FRS3: variants seen among roughly 807,000 people sequenced by gnomAD.
The protein encoded by FRS3 is fibroblast growth factor receptor substrate 3.
A neutral mutation model predicts 41.9 loss-of-function variants in FRS3; 17 were observed. The ratio of observed to expected loss-of-function variants is 0.41; its 90% CI spans 0.28 to 0.61. The LOEUF is 0.61. FRS3 is among the 20% of genes least tolerant of loss of function. FRS3 has a pLI of 0.36. For synonymous variants in FRS3, 287 were observed against 274.5 expected (o/e 1.05, Z -0.45); for missense variants, 619 against 672.1 (o/e 0.92, Z 0.87).
Position 41,771,967 on chromosome 6 carries a change from G to A in FRS3, c.416-3C>T, listed in dbSNP as rs776747827. 24 of 1,538,208 alleles carry A rather than the reference G, an allele frequency of 1.6e-5. No individual in the cohort carries two copies. Among genetic ancestry groups the A allele is most frequent in the African/African-American group, 4.1e-5 (3 of 72,998 alleles). On this transcript the variant is annotated splice_polypyrimidine_tract_variant and splice_region_variant and intron_variant, in intron 5 of 6. Transcript: ENST00000373018. ...GCTGGAGACAGTGTAGCCTAGAGCTGAGCACACGGGAGACAAGCCCAGGAG... is the reference window on the plus strand; with the variant it reads ...GCTGGAGACAGTGTAGCCTAGAGCTAAGCACACGGGAGACAAGCCCAGGAG...
At chr6:41,775,339 T>C in intron 4 of FRS3, 80 bp downstream of exon 4, 1 of 1,160,034 alleles carries the variant, frequency 8.6e-7, no homozygotes, top group Non-Finnish European at 1.2e-6. Context: ...ACTAACCTCT[T>C]GAGGGCTAAC....
chr6:41,779,477 G>GC (rs1331666997), intron 1 of FRS3, among the ~76,000 whole-genome samples: 2 of 152,022 alleles, frequency 1.3e-5, no homozygotes, highest in Non-Finnish European at 2.9e-5. Context: ...GGGTCCGTGG[G>GC]CATAGCAGGA....
At chr6:41,771,555 G>T in intron 6 of FRS3, 22 bp from the exon 7 acceptor site, 2 of 1,502,450 alleles carry the variant, frequency 1.3e-6, no homozygotes, top group East Asian at 2.3e-5. Context: ...GTCCAAGTGA[G>T]GCAGGAGTGT....
rs1772498999 is a variant in FRS3 at position 41,779,876 on chromosome 6, G to GCCCGCCCGGAGCTAAGGCCTCCCCGC, written c.-229_-228insGCGGGGAGGCCTTAGCTCCGGGCGGG. On this transcript the variant is annotated 5_prime_UTR_variant, in exon 1 of 7. Transcript: ENST00000373018. ...CCCGGGTCCCGCTGCAGCAGCCGCC[G>GCCCGCCCGGAGCTAAGGCCTCCCCGC]CCCGCCCGGAGCTAAGGCCTCCCCG... is the stretch of plus-strand genomic sequence containing the variant. 12 of 149,274 alleles carry GCCCGCCCGGAGCTAAGGCCTCCCCGC rather than the reference G, an allele frequency of 8.0e-5. No homozygotes were observed. The highest frequency in any genetic ancestry group is 2.7e-4 in the Admixed American group (4 of 14,994). The allele number at this position is 149,274 out of a possible 1,614,324, so 9.2% of individuals were successfully genotyped here.
intron 1 of FRS3, 76 bp downstream of exon 1, chr6:41,779,740 T>TGCGGCGCGGCGCGGCGCGGC (rs374159587): frequency 1.4e-5 from 2 of 143,720 alleles, no homozygotes; most frequent in Non-Finnish European, 3.1e-5. Flanking sequence ...GAGTGGAGAC[T>TGCGGCGCGGCGCGGCGCGGC]GCGGCGCGGC....
At position 41,775,366 on chromosome 6, in the gene FRS3, CT is replaced by C. The variant is rs575982443; in HGVS notation, c.253+52del. On this transcript the variant is annotated intron_variant, in intron 4 of 6. Coordinates refer to ENST00000373018, the MANE Select transcript of FRS3 (RefSeq NM_006653.5). ...AGGGCTAACCTATACATTAGGAACC[CT>C]GGAGTACTGCATAAGCCCCTATCCC... 1.0e-4 allele frequency: 146 copies of C among 1,451,108 alleles called. No homozygotes were observed. The African/African-American group carries it at 1.9e-3, about 19-fold the overall frequency. The allele number at this position is 1,451,108 out of a possible 1,614,324, so 89.9% of individuals were successfully genotyped here.
Position 41,771,972 on chromosome 6 carries a change from C to A in FRS3, c.416-8G>T, listed in dbSNP as rs989280959. 6.5e-7 allele frequency: 1 copy of A among 1,534,020 alleles called. No homozygotes were observed. The highest frequency in any genetic ancestry group is 8.8e-7 in the Non-Finnish European group (1 of 1,135,546). ...AGACAGTGTAGCCTAGAGCTGAGCA[C>A]ACGGGAGACAAGCCCAGGAGAGGGG... On this transcript the variant is annotated splice_polypyrimidine_tract_variant and splice_region_variant and intron_variant, in intron 5 of 6. Coordinates refer to ENST00000373018, the MANE Select transcript of FRS3 (RefSeq NM_006653.5).
chr6:41,775,269 T>A (rs955174811), intron 4 of FRS3, 150 bp downstream of exon 4: 5 of 615,270 alleles, frequency 8.1e-6, no homozygotes, highest in Admixed American at 3.4e-5. Context: ...CTACCACCCC[T>A]GACCTCTGAC....
At position 41,772,858 on chromosome 6, in the gene FRS3, T is replaced by C. The variant is rs139157201; in HGVS notation, c.355A>G (p.Ile119Val). 4.2e-4 allele frequency: 684 copies of C among 1,613,556 alleles called. 2 individuals carry two copies. The African/African-American group carries it at 8.0e-3, about 19-fold the overall frequency. ...SINVMEEPVI[I>V]TRNSHPAELD... ...TCAGCGGGGTGGCTATTGCGGGTGA[T>C]GATGACAGGCTCTTCCATCACATTG... is the stretch of plus-strand genomic sequence containing the variant. Residue 119 changes from isoleucine (I) to valine (V), a missense_variant, in exon 5 of 7, where the codon ATC becomes GTC. By Grantham distance (29) the Ile-to-Val change is conservative (BLOSUM62 3). Around this residue, in one of 3 missense-constraint regions of FRS3, gnomAD observed 487 missense variants for 478.3 expected, o/e 1.02. Transcript: ENST00000373018.
intron 1 of FRS3, among the ~76,000 whole-genome samples, chr6:41,779,531 G>A (rs1236657686): frequency 3.9e-5 from 6 of 152,030 alleles, no homozygotes. Context: ...TCCAGGAGAT[G>A]CGATGATGTG....
intron 4 of FRS3, among the ~76,000 whole-genome samples, chr6:41,773,351 G>C (rs947028243): frequency 2.6e-5 from 4 of 151,966 alleles, no homozygotes; most frequent in African/African-American, 7.2e-5. Context: ...TAATCGGCCT[G>C]CTGCGGCCTC....
intron 4 of FRS3, among the ~76,000 whole-genome samples, chr6:41,774,657 G>A (rs1233873825): frequency 6.6e-6 from 1 of 152,154 alleles, no homozygotes; most frequent in Non-Finnish European, 1.5e-5. Flanking sequence ...TGGGGTACTG[G>A]GCCAGCATGG....
intron 3 of FRS3, chr6:41,776,705 C>T (rs902508892): frequency 2.0e-6 from 1 of 498,588 alleles, no homozygotes; most frequent in Admixed American, 3.5e-5. Flanking sequence ...GGCATTTCTT[C>T]ATTCTTGGTA....
chr6:41,772,970 A>G lies in FRS3; in HGVS notation c.254-11T>C. ...TAAATGCAAATATTCCTGGAGAAGG[A>G]GAGGAAGAAATGACCCTAGGCAATA... On this transcript the variant is annotated splice_polypyrimidine_tract_variant and intron_variant, in intron 4 of 6. Transcript: ENST00000373018. The G allele has an allele frequency of 1.2e-6, 2 of 1,613,362 alleles. No homozygotes were observed. The highest frequency in any genetic ancestry group is 1.7e-6 in the Non-Finnish European group (2 of 1,179,464).
chr6:41,776,454 G>C (rs977660360), intron 3 of FRS3: 1 of 153,838 alleles, frequency 6.5e-6, no homozygotes, highest in African/African-American at 2.4e-5. Context: ...TAGAGACGGG[G>C]TTTCGCCATG....
intron 4 of FRS3, among the ~76,000 whole-genome samples, 184 bp from the exon 5 acceptor site, chr6:41,773,143 C>T (rs1187924068): frequency 6.6e-6 from 1 of 152,118 alleles, no homozygotes. Context: ...GCTCTTGTTG[C>T]CCAGGCTGGA....
At chr6:41,779,099 C>T (rs1772470533) in intron 1 of FRS3, among the ~76,000 whole-genome samples, 1 of 152,142 alleles carries the variant, frequency 6.6e-6, no homozygotes, top group Non-Finnish European at 1.5e-5. Context: ...AATACTGGGG[C>T]TTGAGCCACC....
rs779531254 is a variant in FRS3 at position 41,771,858 on chromosome 6, A to G, written c.522T>C (p.Leu174=). ...TGAGGGCATGGGTGGACTCTTCCCC[A>G]AGCGAGGGGTGCCGCAGGCTGCTTG... The part of the protein sequence containing the change: ...LSTSSLRHPS[L]GEESTHALIA... The change falls in exon 6 of 7, where the codon CTT becomes CTC. Residue 174 remains leucine, a synonymous_variant. Coordinates refer to ENST00000373018, the MANE Select transcript of FRS3 (RefSeq NM_006653.5). The G allele has an allele frequency of 7.7e-6, 12 of 1,553,046 alleles. No homozygotes were observed. The highest frequency in any genetic ancestry group is 9.6e-6 in the Non-Finnish European group (11 of 1,147,824).
Position 41,771,161 on chromosome 6 carries a change from C to G in FRS3, c.937G>C (p.Ala313Pro), listed in dbSNP as rs199617871. The change falls in exon 7 of 7, where the codon GCC (alanine) becomes CCC (proline). Residue 313 changes from alanine to proline, a missense_variant. Transcript: ENST00000373018. ...SPEEPGWNGL[A>P]HRRAALLHYE... Reference sequence around the variant, plus strand: ...TGCAGCAGGGCGGCCCGGCGGTGGGCAAGGCCATTCCAGCCCGGCTCCTCT... The same window carrying G: ...TGCAGCAGGGCGGCCCGGCGGTGGGGAAGGCCATTCCAGCCCGGCTCCTCT... The G allele has an allele frequency of 9.6e-6, 15 of 1,555,542 alleles. No individual in the cohort carries two copies. The East Asian group carries it at 3.2e-4, about 33-fold the overall frequency.
Sources: gnomAD v4.1 joint callset for allele counts (sites outside exome capture counted in the v4.1 genomes callset) on GRCh38, gnomAD v4.1.1 for gene constraint, gnomAD v4.1.1 regional missense constraint, MANE v1.5 for transcripts, NCBI Gene and HGNC (gene_info 2026-07-23, HGNC 2026-07-21) for gene names.